GSN: variants seen among roughly 807,000 people sequenced by gnomAD.
GSN encodes the protein actin-depolymerizing factor.
Under a neutral mutation model 85.7 loss-of-function variants are expected in GSN, and 56 were observed. That is an observed-to-expected ratio of 0.65 (90% confidence interval 0.53 to 0.82). The LOEUF (loss-of-function observed/expected upper bound fraction) is 0.82. GSN is among the 40% of genes least tolerant of loss of function. The pLI is 0.00. For missense variants in GSN, 857 were observed against 979.8 expected (o/e 0.87, Z 1.67); for synonymous variants, 373 against 399.1 (o/e 0.93, Z 0.78).
chr9:121,299,751 C>G lies in GSN; in HGVS notation c.-9-2212C>G. The stretch of plus-strand genomic sequence containing the variant: ...AGATCCGAGACAGATCCCCGCCCCG[C>G]GCCCTCCCTGGGGGGCGGTCCCCGG... On this transcript the variant is annotated intron_variant, in intron 2 of 17. Transcript: ENST00000432226. The surrounding 1 kb of genome is among the most constrained non-coding windows in gnomAD (Gnocchi z 4.2). The G allele has an allele frequency of 8.8e-7, 1 of 1,130,960 alleles. No individual in the cohort carries two copies. Among genetic ancestry groups the G allele is most frequent in the Non-Finnish European group, 1.1e-6 (1 of 907,136 alleles). The allele number at this position is 1,130,960 out of a possible 1,614,324, so 70.1% of individuals were successfully genotyped here.
rs780270307 is a variant in GSN at position 121,321,300 on chromosome 9, C to T, written c.1224C>T (p.Pro408=). ...IWRIEGSNKV[P]VDPATYGQFY... ...GAATCGAAGGTTCCAACAAGGTGCC[C>T]GTGGACCCTGCCACATATGGACAGT... The change falls in exon 11 of 18, where the codon CCC becomes CCT. Residue 408 remains proline, a synonymous_variant. Coordinates refer to ENST00000432226, the MANE Select transcript of GSN (RefSeq NM_198252.3). 85 of 1,613,734 alleles carry T rather than the reference C, an allele frequency of 5.3e-5. No individual in the cohort carries two copies. In the Middle Eastern group the frequency reaches 6.6e-4, roughly 12 times the overall value.
At chr9:121,238,342 CAGAGGAATGT>C (rs1715248797) in intron 5 of GSN, among the ~76,000 whole-genome samples, 2 of 152,182 alleles carry the variant, frequency 1.3e-5, no homozygotes, top group Non-Finnish European at 2.9e-5. Flanking sequence ...TAAAAGCAGG[CAGAGGAATGT>C]AGAAGGACTA....
At chr9:121,264,067 A>G (rs1266910932), upstream of GSN, among the ~76,000 whole-genome samples, 2 of 152,120 alleles carry the variant, frequency 1.3e-5, no homozygotes, top group Non-Finnish European at 2.9e-5. Flanking sequence ...GAGCCAGACC[A>G]TATCAATTTA....
At position 121,317,160 on chromosome 9, in the gene GSN, G is replaced by A. The variant is rs1211183624; in HGVS notation, c.828G>A (p.Lys276=). 8.7e-6 allele frequency: 14 copies of A among 1,614,174 alleles called. No homozygotes were observed. Among genetic ancestry groups the A allele is most frequent in the Non-Finnish European group, 1.2e-5 (14 of 1,180,008 alleles). ...ACCCCTTCGCCCAGGGGGCCCTGAA[G>A]TCAGAGGACTGCTTCATCCTGGACC... ...DENPFAQGAL[K]SEDCFILDHG... The change falls in exon 8 of 18, where the codon AAG becomes AAA. Residue 276 remains lysine (K), a synonymous_variant. Transcript: ENST00000432226.
chr9:121,328,914 G>A lies in GSN; in HGVS notation c.1786G>A (p.Gly596Arg), dbSNP rs141082919. The A allele has an allele frequency of 8.7e-5, 140 of 1,612,864 alleles. No homozygotes were observed. Among genetic ancestry groups the A allele is most frequent in the Middle Eastern group, 3.3e-4 (2 of 6,060 alleles). ...EPDGFWEALG[G>R]KAAYRTSPRL... Reference sequence around the variant, plus strand: ...AGATGGCTTCTGGGAGGCCCTGGGCGGGAAGGCTGCCTACCGCACATCCCC... The same window carrying A: ...AGATGGCTTCTGGGAGGCCCTGGGCAGGAAGGCTGCCTACCGCACATCCCC... The change falls in exon 15 of 18, where the codon GGG becomes AGG. Residue 596 changes from glycine (G) to arginine (R), a missense_variant. Transcript: ENST00000432226.
chr9:121,237,547 C>A (rs12238702), intron 5 of GSN, among the ~76,000 whole-genome samples: 1 of 151,968 alleles, frequency 6.6e-6, no homozygotes, highest in Non-Finnish European at 1.5e-5. Flanking sequence ...CAAGACTCTG[C>A]CTCAAAAACA....
intron 4 of GSN, among the ~76,000 whole-genome samples, chr9:121,217,469 T>A (rs552338314): frequency 6.6e-6 from 1 of 152,286 alleles, no homozygotes; most frequent in South Asian, 2.1e-4. Context: ...GATTATTTTG[T>A]CACCCAGGTA....
rs1395544230 is a variant in GSN at position 121,299,818 on chromosome 9, C to G, written c.-9-2145C>G. The G allele has an allele frequency of 6.1e-6, 8 of 1,308,908 alleles. No homozygotes were observed. The highest frequency in any genetic ancestry group is 3.3e-5 in the Admixed American group (1 of 30,326). 81.1% of individuals were successfully genotyped at this position (1,308,908 alleles called of 1,614,324 possible). A position where few individuals can be genotyped will look rare whatever the true frequency, so the allele number is the denominator to read the frequency against. On this transcript the variant is annotated intron_variant, in intron 2 of 17. Coordinates refer to ENST00000432226, the MANE Select transcript of GSN (RefSeq NM_198252.3). The surrounding 1 kb of genome is among the most constrained non-coding windows in gnomAD (Gnocchi z 4.2). ...GGGCGGCTACTTAAGGTCGGCGACC[C>G]GAGGCCGCGGCTGCCGACTGGGTCC...
chr9:121,312,714 A>C (rs1589071953), intron 6 of GSN: 2 of 361,468 alleles, frequency 5.5e-6, no homozygotes, highest in East Asian at 5.3e-5. Context: ...TGCAGCCTTG[A>C]CCTCCTGGGC....
At chr9:121,324,858 C>G (rs563318020) in intron 12 of GSN, among the ~76,000 whole-genome samples, 1 of 152,232 alleles carries the variant, frequency 6.6e-6, no homozygotes, top group African/African-American at 2.4e-5. Context: ...CATGGACACA[C>G]AGACACACTG....
chr9:121,238,886 G>A, intron 5 of GSN: 1 of 534,288 alleles, frequency 1.9e-6, no homozygotes, highest in Non-Finnish European at 3.8e-6. Flanking sequence ...CTTGCCTACA[G>A]CTGGTTACAT....
upstream of GSN, among the ~76,000 whole-genome samples, chr9:121,264,032 G>A (rs186233895): frequency 1.1e-4 from 17 of 152,102 alleles, no homozygotes; most frequent in East Asian, 1.7e-3. Flanking sequence ...ATTACAATTC[G>A]AGATGAGATT....
rs866225096 is a variant in GSN, at chr9:121,318,598, G to A, written c.976-67G>A. The A allele has an allele frequency of 6.9e-5, 102 of 1,480,546 alleles. No homozygotes were observed. In the African/African-American group the frequency reaches 1.0e-3, roughly 15 times the overall value. 91.7% of individuals were successfully genotyped at this position (1,480,546 alleles called of 1,614,324 possible). The stretch of plus-strand genomic sequence containing the variant: ...CACCCTCAGTGTGGATGGGGTATCT[G>A]AGGCTCCCCTGGGGACCCCTGCTGG... On this transcript the variant is annotated intron_variant, in intron 9 of 17. Transcript: ENST00000432226. This position sits in a 1 kb window ranked among gnomAD's most constrained non-coding sequence, Gnocchi z 4.3.
intron 12 of GSN, among the ~76,000 whole-genome samples, chr9:121,325,842 C>T (rs570089325): frequency 3.9e-5 from 6 of 152,164 alleles, no homozygotes; most frequent in African/African-American, 1.2e-4. Flanking sequence ...GGTTGAGACA[C>T]GTGCCCAAGT....
rs774534165 is a variant in GSN at position 121,326,528 on chromosome 9, G to A, written c.1433G>A (p.Gly478Asp). The A allele has an allele frequency of 5.0e-6, 8 of 1,613,848 alleles. No homozygotes were observed. The Admixed American group carries it at 1.0e-4, about 20-fold the overall frequency. The change falls in exon 13 of 18, where the codon GGC (glycine) becomes GAC (aspartate). Residue 478 changes from glycine (G) to aspartate (D), a missense_variant. Coordinates refer to ENST00000432226, the MANE Select transcript of GSN (RefSeq NM_198252.3). The part of the protein sequence containing the change: ...GTPVQSRVVQ[G>D]KEPAHLMSLF... ...CCCTGCCAGAGCCGTGTGGTCCAAG[G>A]CAAGGAGCCCGCCCACCTCATGAGC...
intron 4 of GSN, among the ~76,000 whole-genome samples, chr9:121,217,089 T>C (rs1241341627): frequency 1.3e-5 from 2 of 152,186 alleles, no homozygotes; most frequent in South Asian, 2.1e-4. Context: ...GCTGGGCACA[T>C]TGGCTCACGC....
At chr9:121,250,997 AT>A (rs924307066) in intron 6 of GSN, among the ~76,000 whole-genome samples, 112 of 146,062 alleles carry the variant, frequency 7.7e-4, no homozygotes, top group African/African-American at 2.4e-3. Context: ...AATTTTTTGT[AT>A]TTTTTTTTGT....
Position 121,324,647 on chromosome 9 carries a change from G to T in GSN, c.1416+3G>T. The T allele has an allele frequency of 6.8e-7, 1 of 1,477,962 alleles. No individual in the cohort carries two copies. The allele number at this position is 1,477,962 out of a possible 1,614,324, so 91.6% of individuals were successfully genotyped here. A position where few individuals can be genotyped will look rare whatever the true frequency, so the allele number is the denominator to read the frequency against. Reference sequence around the variant, plus strand: ...AGCTGGGAGGTACCCCTGTCCAGGTGAGCCCAGCCCACCGCCTCTCTGGGC... The same window carrying T: ...AGCTGGGAGGTACCCCTGTCCAGGTTAGCCCAGCCCACCGCCTCTCTGGGC... On this transcript the variant is annotated splice_donor_region_variant and intron_variant, in intron 12 of 17. Coordinates refer to ENST00000432226, the MANE Select transcript of GSN (RefSeq NM_198252.3).
chr9:121,300,921 G>A (rs971902839), intron 2 of GSN, among the ~76,000 whole-genome samples: 1 of 152,178 alleles, frequency 6.6e-6, no homozygotes, highest in Non-Finnish European at 1.5e-5. Flanking sequence ...GGCTCACCTC[G>A]ATTTGCGAGT....
Sources: allele counts gnomAD v4.1 joint callset (sites outside exome capture counted in the v4.1 genomes callset), GRCh38; gene constraint gnomAD v4.1.1; non-coding constraint Gnocchi (gnomAD v3.1); transcripts MANE v1.5; gene names NCBI Gene and HGNC (gene_info 2026-07-23, HGNC 2026-07-21).